Variants in MCF2L observed in about 807,000 individuals in gnomAD.
The protein encoded by MCF2L is guanine nucleotide exchange factor DBS.
MCF2L carries 97 observed loss-of-function variants against 153.4 expected under a neutral mutation model. That is an observed-to-expected ratio of 0.63 (90% CI 0.54 to 0.75). MCF2L has a LOEUF of 0.75. Among genes scored for constraint, MCF2L ranks in the 30% least tolerant of loss-of-function variants. The pLI is 0.00. For missense variants in MCF2L, 1,347 were observed against 1,495.2 expected (o/e 0.90, Z 1.64); for synonymous variants, 659 against 632.2 (o/e 1.04, Z -0.64).
Position 113,066,129 on chromosome 13 carries a change from T to A in MCF2L, c.840T>A (p.Ser280Arg). 1 of 1,613,128 alleles carries A rather than the reference T, an allele frequency of 6.2e-7. No homozygotes were observed. Among genetic ancestry groups the A allele is most frequent in the Non-Finnish European group, 8.5e-7 (1 of 1,179,926 alleles). The change falls in exon 8 of 30, where the codon AGT (serine) becomes AGA (arginine). Residue 280 changes from serine to arginine, a missense_variant. Ser to Arg is a moderately radical substitution (Grantham distance 110, BLOSUM62 -1). This residue lies in a region of MCF2L where 820 missense variants were observed against 921.2 expected (regional missense o/e 0.89). Coordinates refer to ENST00000535094, the MANE Select transcript of MCF2L (RefSeq NM_001112732.3). ...RELQAEGSEPSVNQDQLDNQA... is the reference protein window; with the variant it reads ...RELQAEGSEPRVNQDQLDNQA... Reference sequence around the variant, plus strand: ...TGCAGGCTGAGGGCTCAGAGCCCAGTGTGAACCAGGACCAGCTTGACAACC... The same window carrying A: ...TGCAGGCTGAGGGCTCAGAGCCCAGAGTGAACCAGGACCAGCTTGACAACC...
intron 1 of MCF2L, chr13:113,009,195 C>G (rs3011527): frequency 0.95 from 144,836 of 152,378 alleles, 69,312 homozygotes; most frequent in East Asian, 1. Context: ...TGGTGTTGCG[C>G]GTCTGAGATG....
intron 2 of MCF2L, among the ~76,000 whole-genome samples, chr13:112,952,536 C>T (rs377242310): frequency 7.4e-4 from 112 of 152,268 alleles, no homozygotes; most frequent in African/African-American, 2.2e-3. Context: ...AAATGAGGAC[C>T]CCAAGGGTTT....
chr13:112,994,219 G>T (rs569866183), intron 1 of MCF2L, among the ~76,000 whole-genome samples: 2 of 150,984 alleles, frequency 1.3e-5, no homozygotes, highest in Non-Finnish European at 3.0e-5. Context: ...GGCACGGTGC[G>T]TGGGATGCCA....
chr13:112,969,644 C>T lies in MCF2L; in HGVS notation c.79+186C>T, dbSNP rs1386301431. ...AGAGGCTGTCGGCGATCGTATGCTGCCCGGGATAGTCAAAATGACTGCACG... is the reference window on the plus strand; with the variant it reads ...AGAGGCTGTCGGCGATCGTATGCTGTCCGGGATAGTCAAAATGACTGCACG... On this transcript the variant is annotated intron_variant, in intron 1 of 29. Transcript: ENST00000535094. This position sits in a 1 kb window ranked among gnomAD's most constrained non-coding sequence, Gnocchi z 4.8. 11 of 582,144 alleles carry T rather than the reference C, an allele frequency of 1.9e-5. No homozygotes were observed. Among genetic ancestry groups the T allele is most frequent in the Admixed American group, 1.3e-4 (2 of 15,796 alleles). 36.1% of individuals were successfully genotyped at this position (582,144 alleles called of 1,614,324 possible). A position where few individuals can be genotyped will look rare whatever the true frequency, so the allele number is the denominator to read the frequency against.
In MCF2L at chr13:112,960,072, C is replaced by T. The variant is rs112296485; in HGVS notation, c.170-54691C>T. On this transcript the variant is annotated intron_variant, in intron 2 of 29. Coordinates refer to the MCF2L transcript ENST00000375608. This position sits in a 1 kb window ranked among gnomAD's most constrained non-coding sequence, Gnocchi z 4.2. Reference sequence around the variant, plus strand: ...ACTTCAGGGCAGAGGCCTTCTGTCCCGGACGCCTGCCCTCAGGGGCTGTGT... The same window carrying T: ...ACTTCAGGGCAGAGGCCTTCTGTCCTGGACGCCTGCCCTCAGGGGCTGTGT... Among the ~76,000 whole-genome samples, 47 of 152,348 alleles carry T rather than the reference C, an allele frequency of 3.1e-4. 2 individuals carry two copies. The highest frequency in any genetic ancestry group is 1.0e-3 in the African/African-American group (43 of 41,574).
At chr13:113,041,759 A>G (rs1040582698) in intron 3 of MCF2L, among the ~76,000 whole-genome samples, 2 of 151,976 alleles carry the variant, frequency 1.3e-5, no homozygotes, top group East Asian at 1.9e-4. Flanking sequence ...TGGGCCCTGC[A>G]TAGGGGGCAA....
chr13:113,075,321 G>A (rs941544056), intron 11 of MCF2L, 132 bp downstream of exon 11: 120 of 710,868 alleles, frequency 1.7e-4, no homozygotes, highest in Non-Finnish European at 2.5e-4. Context: ...TGCACCCTTC[G>A]TTTCTGGTCT....
rs1399003855 is a variant in MCF2L, at chr13:113,088,705, G to A, written c.2834+77G>A. 1.5e-5 allele frequency: 22 copies of A among 1,452,654 alleles called. No individual in the cohort carries two copies. The East Asian group carries it at 2.1e-4, about 14-fold the overall frequency. The allele number at this position is 1,452,654 out of a possible 1,614,324, so 90.0% of individuals were successfully genotyped here. Reference sequence around the variant, plus strand: ...AGGCCATTTGCACGCCAGGGTCCTCGGCCTCTGTCAGTGGGACCCTGTGGT... The same window carrying A: ...AGGCCATTTGCACGCCAGGGTCCTCAGCCTCTGTCAGTGGGACCCTGTGGT... On this transcript the variant is annotated intron_variant, in intron 25 of 29. Transcript: ENST00000535094.
At position 113,020,405 on chromosome 13, in the gene MCF2L, G is replaced by A. The variant is rs114352957; in HGVS notation, c.164-4239G>A. ...CACACATGCCTCCTGCCCAGGACGCGTGTGCGTGTGTGTATCTACCTGTGT... is the reference window on the plus strand; with the variant it reads ...CACACATGCCTCCTGCCCAGGACGCATGTGCGTGTGTGTATCTACCTGTGT... On this transcript the variant is annotated intron_variant, in intron 2 of 29. Transcript: ENST00000535094. Among the ~76,000 whole-genome samples, 364 of 152,350 alleles carry A rather than the reference G, an allele frequency of 2.4e-3. 1 individual carries two copies. Among genetic ancestry groups the A allele is most frequent in the African/African-American group, 8.1e-3 (338 of 41,578 alleles).
intron 1 of MCF2L, among the ~76,000 whole-genome samples, chr13:112,992,586 G>A (rs1166213555): frequency 1.3e-5 from 2 of 152,214 alleles, no homozygotes; most frequent in African/African-American, 4.8e-5. Flanking sequence ...GGAAATAAGC[G>A]TGGCCTGTAG....
upstream of MCF2L, chr13:112,968,410 G>T: frequency 1.3e-6 from 2 of 1,558,188 alleles, no homozygotes. Context: ...GGAATCTGCA[G>T]GTGGCAGCCA....
At chr13:112,902,856 G>A (rs554180178) in intron 2 of MCF2L, among the ~76,000 whole-genome samples, 6 of 152,264 alleles carry the variant, frequency 3.9e-5, no homozygotes, top group African/African-American at 9.6e-5. Context: ...GCTGTACCCC[G>A]AGGTGAGAGC....
At chr13:112,984,559 G>A (rs561074578) in intron 1 of MCF2L, among the ~76,000 whole-genome samples, 2 of 152,292 alleles carry the variant, frequency 1.3e-5, no homozygotes, top group Non-Finnish European at 2.9e-5. Context: ...TTCATAAAAC[G>A]TGTTTGAGAT....
At chr13:112,906,873 G>A (rs555532235) in intron 2 of MCF2L, among the ~76,000 whole-genome samples, 1 of 152,336 alleles carries the variant, frequency 6.6e-6, no homozygotes, top group African/African-American at 2.4e-5. Flanking sequence ...TGTCTTTAAA[G>A]ATGCCAGTGA....
intron 4 of MCF2L, among the ~76,000 whole-genome samples, chr13:113,059,538 T>C (rs2031009602): frequency 6.6e-6 from 1 of 152,280 alleles, no homozygotes; most frequent in South Asian, 2.1e-4. Flanking sequence ...TTTTTGGTGA[T>C]GGGGTCTCCC....
chr13:112,937,309 C>T (rs2081524988), intron 2 of MCF2L, among the ~76,000 whole-genome samples: 1 of 152,196 alleles, frequency 6.6e-6, no homozygotes, highest in Non-Finnish European at 1.5e-5. Context: ...CCCACCTCAG[C>T]CTCCCAAAGT....
At chr13:113,090,382 C>G (rs757060106) in intron 26 of MCF2L, 127 of 985,356 alleles carry the variant, frequency 1.3e-4, no homozygotes, top group Non-Finnish European at 1.5e-4. Flanking sequence ...CAAATGGAGG[C>G]TTGCTCAGAA....
At chr13:113,022,554 G>A (rs578133258) in intron 2 of MCF2L, among the ~76,000 whole-genome samples, 3 of 152,244 alleles carry the variant, frequency 2.0e-5, no homozygotes, top group African/African-American at 7.2e-5. Flanking sequence ...TTCCCCCCAG[G>A]CCCCGTTTCA....
intron 27 of MCF2L, chr13:113,095,258 C>T: frequency 1.7e-6 from 2 of 1,192,866 alleles, no homozygotes; most frequent in Non-Finnish European, 2.1e-6. Flanking sequence ...TGGTCCATGC[C>T]CCAAGGCTGG....
Sources: gnomAD v4.1 joint callset for allele counts (sites outside exome capture counted in the v4.1 genomes callset) on GRCh38, gnomAD v4.1.1 for gene constraint, gnomAD v4.1.1 regional missense constraint, Gnocchi (gnomAD v3.1) non-coding constraint, MANE v1.5 for transcripts, NCBI Gene and HGNC (gene_info 2026-07-23, HGNC 2026-07-21) for gene names.